The following FAF1 variants were observed in gnomAD, a reference collection of about 807,000 sequenced individuals.
The protein encoded by FAF1 is Fas associated factor 1, also known as FAS-associated factor 1.
A neutral mutation model predicts 92.5 loss-of-function variants in FAF1; 25 were observed. The ratio of observed to expected loss-of-function variants is 0.27; its 90% CI spans 0.20 to 0.38. The LOEUF (loss-of-function observed/expected upper bound fraction) is 0.38, where lower values mean the gene tolerates loss of function less well. Among genes scored for constraint, FAF1 ranks in the 10% least tolerant of loss-of-function variants. FAF1 has a pLI of 1.00. For synonymous variants in FAF1, 234 were observed against 273.2 expected, an observed-to-expected ratio of 0.86 and a Z score of 1.42; for missense variants, 636 against 793.3, an observed-to-expected ratio of 0.80 and a Z score of 2.38.
intron 8 of FAF1, among the ~76,000 whole-genome samples, chr1:50,654,446 T>A (rs949321800): frequency 3.3e-5 from 5 of 152,162 alleles, no homozygotes; most frequent in Non-Finnish European, 5.9e-5. Context: ...GAATTTCAGA[T>A]GGCCTCCTTA....
At chr1:50,786,964 A>C (rs1661386973) in intron 4 of FAF1, among the ~76,000 whole-genome samples, 1 of 152,234 alleles carries the variant, frequency 6.6e-6, no homozygotes, top group South Asian at 2.1e-4. Context: ...CCAAGACTCA[A>C]TTAATGAAAT....
intron 13 of FAF1, among the ~76,000 whole-genome samples, chr1:50,559,533 C>A (rs1351130916): frequency 6.6e-6 from 1 of 152,200 alleles, no homozygotes; most frequent in Admixed American, 6.5e-5. Flanking sequence ...GCTGCCCTTG[C>A]CATGATCCCT....
chr1:50,628,886 T>G (rs1043329427), intron 8 of FAF1, among the ~76,000 whole-genome samples: 4 of 152,172 alleles, frequency 2.6e-5, no homozygotes, highest in South Asian at 4.1e-4. Flanking sequence ...GAGAGGCACA[T>G]AGTGTGGTAA....
intron 7 of FAF1, among the ~76,000 whole-genome samples, chr1:50,660,205 G>A (rs1296834695): frequency 6.6e-6 from 1 of 152,032 alleles, no homozygotes; most frequent in Non-Finnish European, 1.5e-5. Flanking sequence ...AATTTCTTAG[G>A]AAAGTAATTC....
intron 4 of FAF1, among the ~76,000 whole-genome samples, chr1:50,784,796 A>C (rs74777408): frequency 1.8e-3 from 276 of 152,322 alleles, no homozygotes; most frequent in African/African-American, 6.3e-3. Context: ...AAGCTAGAGT[A>C]ATTAGATCAG....
At chr1:50,578,981 T>A (rs1359078162) in intron 12 of FAF1, among the ~76,000 whole-genome samples, 1 of 152,110 alleles carries the variant, frequency 6.6e-6, no homozygotes, top group East Asian at 1.9e-4. Flanking sequence ...AATAAAGACA[T>A]TTTTATCAGT....
intron 1 of FAF1, among the ~76,000 whole-genome samples, chr1:50,935,578 C>A (rs1267455313): frequency 6.6e-6 from 1 of 151,742 alleles, no homozygotes; most frequent in Non-Finnish European, 1.5e-5. Flanking sequence ...TCAAGCAATT[C>A]TCATGCCTCA....
At chr1:50,485,681 A>AC (rs1646758036) in intron 17 of FAF1, among the ~76,000 whole-genome samples, 1 of 149,984 alleles carries the variant, frequency 6.7e-6, no homozygotes, top group African/African-American at 2.4e-5. Flanking sequence ...AAAAAAAAAA[A>AC]AAAAAAAAAA....
chr1:50,700,315 C>A (rs946999687), intron 7 of FAF1, among the ~76,000 whole-genome samples: 1 of 151,104 alleles, frequency 6.6e-6, no homozygotes, highest in Non-Finnish European at 1.5e-5. Context: ...CTTTTCCCCC[C>A]TCTCTCTCTC....
chr1:50,904,794 C>T (rs1644822274), intron 1 of FAF1, among the ~76,000 whole-genome samples: 1 of 152,038 alleles, frequency 6.6e-6, no homozygotes, highest in Admixed American at 6.6e-5. Flanking sequence ...CACAAACCTC[C>T]TGAAACAAAT....
intron 15 of FAF1, among the ~76,000 whole-genome samples, chr1:50,514,307 A>AC (rs1200270615): frequency 6.6e-6 from 1 of 152,216 alleles, no homozygotes; most frequent in Non-Finnish European, 1.5e-5. Flanking sequence ...TTTTTAAAAA[A>AC]TGAACACCAA....
At chr1:50,542,614 T>G (rs1207685882) in intron 13 of FAF1, among the ~76,000 whole-genome samples, 1 of 152,136 alleles carries the variant, frequency 6.6e-6, no homozygotes, top group Non-Finnish European at 1.5e-5. Context: ...TTCATCAGAG[T>G]TAGATGTCAT....
intron 7 of FAF1, among the ~76,000 whole-genome samples, chr1:50,665,200 C>G (rs549752088): frequency 6.6e-6 from 1 of 152,146 alleles, no homozygotes; most frequent in Non-Finnish European, 1.5e-5. Context: ...TAACCTAACA[C>G]CATTTTGTGA....
At chr1:50,949,584 A>G (rs1645198011) in intron 1 of FAF1, among the ~76,000 whole-genome samples, 1 of 152,246 alleles carries the variant, frequency 6.6e-6, no homozygotes, top group Non-Finnish European at 1.5e-5. Flanking sequence ...TTTGCAGGAC[A>G]TGCAGTCAAC....
intron 2 of FAF1, among the ~76,000 whole-genome samples, chr1:50,853,191 C>T (rs1644364690): frequency 6.6e-6 from 1 of 152,140 alleles, no homozygotes; most frequent in African/African-American, 2.4e-5. Context: ...TCTACAGCCA[C>T]ATCCTGAGCA....
In FAF1 at chr1:50,705,811, A is replaced by T. The variant is rs773660120; in HGVS notation, c.632T>A (p.Phe211Tyr). The T allele has an allele frequency of 3.7e-6, 6 of 1,607,850 alleles. No individual in the cohort carries two copies. The highest frequency in any genetic ancestry group is 8.5e-7 in the Non-Finnish European group (1 of 1,174,644). Residue 211 changes from phenylalanine to tyrosine, a missense_variant, in exon 7 of 19, where the codon TTC becomes TAC. By Grantham distance (22) the Phe-to-Tyr change is conservative. Around this residue, in one of 2 missense-constraint regions of FAF1, gnomAD observed 317 missense variants for 342.4 expected, o/e 0.93. Transcript: ENST00000396153. ...CTCTTGAATAGTACTGCTTCCTGAG[A>T]AGTTCAGGTTGTACTCCCGCTGGAC... is the stretch of plus-strand genomic sequence containing the variant. ...REVQREYNLNFSGSSTIQEVK... is the reference protein window; with the variant it reads ...REVQREYNLNYSGSSTIQEVK...
intron 6 of FAF1, among the ~76,000 whole-genome samples, chr1:50,729,056 A>T (rs866308991): frequency 0.017 from 1,816 of 105,472 alleles, 23 homozygotes; most frequent in African/African-American, 0.043. Context: ...ATATATATAT[A>T]TATTTTTTTT....
chr1:50,763,693 A>G (rs1351964436), intron 4 of FAF1, among the ~76,000 whole-genome samples: 1 of 152,172 alleles, frequency 6.6e-6, no homozygotes, highest in Non-Finnish European at 1.5e-5. Flanking sequence ...CAACAGTTAA[A>G]CTGTTAAATC....
chr1:50,580,975 A>T (rs192376133), intron 12 of FAF1, among the ~76,000 whole-genome samples: 45 of 152,282 alleles, frequency 3.0e-4, no homozygotes, highest in African/African-American at 1.0e-3. Flanking sequence ...GGGTTTCACC[A>T]GGTTGCTCAG....
Sources: allele counts gnomAD v4.1 joint callset (sites outside exome capture counted in the v4.1 genomes callset), GRCh38; gene constraint gnomAD v4.1.1; regional missense constraint gnomAD v4.1.1; transcripts MANE v1.5; gene names NCBI Gene and HGNC (gene_info 2026-07-23, HGNC 2026-07-21).